Variants in SGMS2 observed in about 807,000 individuals in gnomAD.
The protein encoded by SGMS2 is sphingomyelin synthase 2, also known as phosphatidylcholine:ceramide cholinephosphotransferase 2.
Under a neutral mutation model 43.8 loss-of-function variants are expected in SGMS2, and 21 were observed. The ratio of observed to expected loss-of-function variants is 0.48; its 90% confidence interval spans 0.34 to 0.69. The LOEUF (loss-of-function observed/expected upper bound fraction) is 0.69. SGMS2 is among the 30% of genes least tolerant of loss of function. The pLI, the probability that SGMS2 is intolerant of heterozygous loss-of-function variation, is 0.01. For missense variants in SGMS2, 384 were observed against 443.2 expected (o/e 0.87, Z 1.20); for synonymous variants, 167 against 160.6 (o/e 1.04, Z -0.30).
At chr4:107,881,838 G>A (rs1406839977) in intron 2 of SGMS2, among the ~76,000 whole-genome samples, 1 of 151,928 alleles carries the variant, frequency 6.6e-6, no homozygotes, top group African/African-American at 2.4e-5. Context: ...TTAATTTTTA[G>A]CTCCCACAAA....
intron 3 of SGMS2, among the ~76,000 whole-genome samples, chr4:107,898,513 G>C (rs17038208): frequency 1.6e-3 from 130 of 83,864 alleles, no homozygotes; most frequent in Middle Eastern, 6.0e-3. Flanking sequence ...CTGAAAATGA[G>C]AGACCTAGAG....
intron 4 of SGMS2, among the ~76,000 whole-genome samples, chr4:107,902,860 G>T (rs534367661): frequency 3.3e-5 from 5 of 151,990 alleles, no homozygotes; most frequent in Non-Finnish European, 7.4e-5. Flanking sequence ...GTGGTATGCA[G>T]CTGAATCAAA....
At position 107,911,381 on chromosome 4, in the gene SGMS2, G is replaced by A. The variant is rs531130187; in HGVS notation, c.*828G>A. 6.6e-6 allele frequency: 1 copy of A among 152,222 alleles called. No homozygotes were observed. Among genetic ancestry groups the A allele is most frequent in the Non-Finnish European group, 1.5e-5 (1 of 68,056 alleles). 9.4% of individuals were successfully genotyped at this position (152,222 alleles called of 1,614,324 possible). ...AATTTGGATCTGGTGCCCCAGGGCA[G>A]TCAACTCTTCTAGCACAGGCTGAAA... is the stretch of plus-strand genomic sequence containing the variant. On this transcript the variant is annotated 3_prime_UTR_variant, in exon 7 of 7. Coordinates refer to ENST00000690982, the MANE Select transcript of SGMS2 (RefSeq NM_001375905.1).
chr4:107,863,212 G>A (rs1727866508), intron 2 of SGMS2, among the ~76,000 whole-genome samples: 1 of 152,146 alleles, frequency 6.6e-6, no homozygotes, highest in Admixed American at 6.5e-5. Context: ...AACATAGCAT[G>A]GTTCCAGGAG....
chr4:107,900,228 C>A (rs1410067995), intron 4 of SGMS2, among the ~76,000 whole-genome samples: 1 of 152,038 alleles, frequency 6.6e-6, no homozygotes, highest in Non-Finnish European at 1.5e-5. Flanking sequence ...TGGGCAGGAA[C>A]CAAGACAAGG....
intron 1 of SGMS2, among the ~76,000 whole-genome samples, chr4:107,849,346 G>A (rs570493477): frequency 2.0e-5 from 3 of 152,188 alleles, no homozygotes; most frequent in African/African-American, 7.2e-5. Flanking sequence ...CATCACATGT[G>A]CCTATTGAAT....
At chr4:107,909,067 CTTAAA>C (rs1731870087) in intron 6 of SGMS2, among the ~76,000 whole-genome samples, 2 of 151,410 alleles carry the variant, frequency 1.3e-5, no homozygotes, top group African/African-American at 2.4e-5. Flanking sequence ...CTGCCTTCAA[CTTAAA>C]TTAATTTTAA....
At chr4:107,879,293 ATC>A (rs1578593106) in intron 2 of SGMS2, among the ~76,000 whole-genome samples, 1 of 152,104 alleles carries the variant, frequency 6.6e-6, no homozygotes, top group East Asian at 1.9e-4. Flanking sequence ...ATAGTTCTTG[ATC>A]TTGTCTGTAG....
At chr4:107,825,787 C>T (rs1324534675) in intron 1 of SGMS2, among the ~76,000 whole-genome samples, 2 of 151,992 alleles carry the variant, frequency 1.3e-5, no homozygotes, top group Non-Finnish European at 2.9e-5. Flanking sequence ...GGGCGGGGAA[C>T]CCCTGTCAAC....
intron 6 of SGMS2, among the ~76,000 whole-genome samples, chr4:107,909,326 G>A (rs1194752952): frequency 6.6e-6 from 1 of 152,052 alleles, no homozygotes; most frequent in African/African-American, 2.4e-5. Context: ...GGCCAGGCTG[G>A]CCTTGAACTC....
chr4:107,834,534 T>G (rs1414406891), intron 1 of SGMS2, among the ~76,000 whole-genome samples: 1 of 152,188 alleles, frequency 6.6e-6, no homozygotes, highest in East Asian at 1.9e-4. Context: ...GTGGAGATTA[T>G]CACTTAATTT....
At chr4:107,861,267 C>T (rs1296532445) in intron 2 of SGMS2, among the ~76,000 whole-genome samples, 1 of 152,160 alleles carries the variant, frequency 6.6e-6, no homozygotes, top group Non-Finnish European at 1.5e-5. Context: ...TTTTATGTTA[C>T]TGCAATTTAT....
In SGMS2 at chr4:107,912,220, T is replaced by C. The variant is rs192584697; in HGVS notation, c.*1667T>C. ...TTTCAGAATGGCTTTTTCTGTATGT[T>C]ATAGAATAATCACTAAAGGAAAGGT... On this transcript the variant is annotated 3_prime_UTR_variant, in exon 7 of 7. Coordinates refer to ENST00000690982, the MANE Select transcript of SGMS2 (RefSeq NM_001375905.1). The C allele has an allele frequency of 3.3e-5, 5 of 152,306 alleles. No homozygotes were observed. Among genetic ancestry groups the C allele is most frequent in the African/African-American group, 9.6e-5 (4 of 41,572 alleles). The allele number at this position is 152,306 out of a possible 1,614,324, so 9.4% of individuals were successfully genotyped here.
At chr4:107,857,659 A>G (rs905912114) in intron 1 of SGMS2, among the ~76,000 whole-genome samples, 4 of 152,088 alleles carry the variant, frequency 2.6e-5, no homozygotes, top group African/African-American at 7.2e-5. Flanking sequence ...CCAGTAGCCT[A>G]TATTTTGCTT....
intron 2 of SGMS2, among the ~76,000 whole-genome samples, chr4:107,887,996 T>A (rs1729889706): frequency 6.6e-6 from 1 of 152,208 alleles, no homozygotes; most frequent in Non-Finnish European, 1.5e-5. Flanking sequence ...TTGTCTTGCA[T>A]CAGTGTGTCT....
intron 1 of SGMS2, among the ~76,000 whole-genome samples, chr4:107,845,087 A>G (rs1332837692): frequency 6.6e-6 from 1 of 152,206 alleles, no homozygotes; most frequent in Non-Finnish European, 1.5e-5. Flanking sequence ...AGGAAGGGAA[A>G]CTAATCAGGA....
chr4:107,856,873 A>C (rs1727461105), intron 1 of SGMS2, among the ~76,000 whole-genome samples: 1 of 152,208 alleles, frequency 6.6e-6, no homozygotes, highest in South Asian at 2.1e-4. Flanking sequence ...ACTGAGATGT[A>C]ATTCACATAC....
chr4:107,845,728 T>C (rs1726771365), intron 1 of SGMS2, among the ~76,000 whole-genome samples: 1 of 152,188 alleles, frequency 6.6e-6, no homozygotes, highest in African/African-American at 2.4e-5. Context: ...TAGGCATTGT[T>C]TTGTCAGGGC....
intron 4 of SGMS2, among the ~76,000 whole-genome samples, chr4:107,901,909 T>TTC (rs1276957872): frequency 3.5e-5 from 5 of 143,050 alleles, no homozygotes; most frequent in Non-Finnish European, 6.2e-5. Context: ...CTTCTTCTTC[T>TTC]TTTTTTTTTT....
Sources: gnomAD v4.1 joint callset for allele counts (sites outside exome capture counted in the v4.1 genomes callset) on GRCh38, gnomAD v4.1.1 for gene constraint, MANE v1.5 for transcripts, NCBI Gene and HGNC (gene_info 2026-07-23, HGNC 2026-07-21) for gene names.